Variants in CHRNA7 observed in about 807,000 individuals in gnomAD.
CHRNA7 encodes the protein neuronal acetylcholine receptor subunit alpha-7.
Under a neutral mutation model 48.0 loss-of-function variants are expected in CHRNA7, and 17 were observed. The observed-to-expected ratio is 0.35, with a 90% CI of 0.24 to 0.53. CHRNA7 has a LOEUF of 0.53. CHRNA7 is among the 20% of genes least tolerant of loss of function. The probability of loss-of-function intolerance (pLI) is 0.92; values close to 1 mark genes in which losing one functional copy is unlikely to be tolerated. For missense variants in CHRNA7, 155 were observed against 577.7 expected (o/e 0.27, Z 7.50); for synonymous variants, 75 against 242.3 (o/e 0.31, Z 6.41).
intron 2 of CHRNA7, among the ~76,000 whole-genome samples, chr15:32,083,065 A>C (rs1426030219): frequency 6.6e-6 from 1 of 152,230 alleles, no homozygotes. Context: ...TTTCTATAAA[A>C]TATAAATTAG....
At chr15:32,145,313 C>T (rs552732266) in intron 4 of CHRNA7, among the ~76,000 whole-genome samples, 1 of 152,266 alleles carries the variant, frequency 6.6e-6, no homozygotes, top group East Asian at 1.9e-4. Flanking sequence ...GAGCACCCAC[C>T]TGTATGAGGT....
At chr15:32,042,417 C>T (rs2049465413) in intron 2 of CHRNA7, among the ~76,000 whole-genome samples, 1 of 152,150 alleles carries the variant, frequency 6.6e-6, no homozygotes, top group Non-Finnish European at 1.5e-5. Flanking sequence ...TGGCACATTT[C>T]CAAGTGGTTT....
chr15:32,070,875 G>A (rs1445902560), intron 2 of CHRNA7, among the ~76,000 whole-genome samples: 1 of 151,610 alleles, frequency 6.6e-6, no homozygotes, highest in African/African-American at 2.4e-5. Flanking sequence ...TTTTAGTAGA[G>A]ATAGGGTTTC....
chr15:32,148,379 C>A (rs183135826), intron 4 of CHRNA7, among the ~76,000 whole-genome samples: 1 of 152,264 alleles, frequency 6.6e-6, no homozygotes, highest in East Asian at 1.9e-4. Context: ...TCTGTGGAGG[C>A]ACAATCACTC....
chr15:32,103,236 C>A (rs980381570), intron 3 of CHRNA7: 5 of 152,010 alleles, frequency 3.3e-5, no homozygotes, highest in African/African-American at 1.2e-4. Flanking sequence ...ATGGTGCAAC[C>A]CTGTCTCTAC....
intron 2 of CHRNA7, among the ~76,000 whole-genome samples, chr15:32,078,258 A>G: frequency 6.6e-6 from 1 of 152,102 alleles, no homozygotes; most frequent in South Asian, 2.1e-4. Context: ...TTTCTTTCGT[A>G]GATCATCCTT....
chr15:32,073,700 T>C (rs2050092837), intron 2 of CHRNA7, among the ~76,000 whole-genome samples: 1 of 152,120 alleles, frequency 6.6e-6, no homozygotes, highest in South Asian at 2.1e-4. Flanking sequence ...CTGTAATAAG[T>C]TCATGCAAGA....
chr15:32,130,036 A>G (rs1430959704), intron 4 of CHRNA7, among the ~76,000 whole-genome samples: 1 of 151,982 alleles, frequency 6.6e-6, no homozygotes, highest in Non-Finnish European at 1.5e-5. Context: ...ATTCATGTCT[A>G]GTTTGATTCC....
chr15:32,050,219 T>C (rs1328377826), intron 2 of CHRNA7, among the ~76,000 whole-genome samples: 2 of 152,236 alleles, frequency 1.3e-5, no homozygotes, highest in African/African-American at 4.8e-5. Flanking sequence ...GAAGTTCTCA[T>C]GGATGATATC....
chr15:32,149,624 G>A lies in CHRNA7; in HGVS notation c.351-4283G>A, dbSNP rs760169769. ...ATCAATTTGCCTATGGGAAAGAAGCGTAAAACTACCATCATGGGTATTAAG... is the reference window on the plus strand; with the variant it reads ...ATCAATTTGCCTATGGGAAAGAAGCATAAAACTACCATCATGGGTATTAAG... On this transcript the variant is annotated intron_variant, in intron 4 of 9. Coordinates refer to ENST00000306901, the MANE Select transcript of CHRNA7 (RefSeq NM_000746.6). The surrounding 1 kb of genome is among the most constrained non-coding windows in gnomAD (Gnocchi z 4.6). Among the ~76,000 whole-genome samples the A allele has an allele frequency of 7.2e-5, 11 of 152,254 alleles. No homozygotes were observed. The highest frequency in any genetic ancestry group is 2.1e-4 in the South Asian group (1 of 4,820).
At chr15:32,100,684 CTTTAG>C (rs924045800) in intron 2 of CHRNA7, 1 of 154,450 alleles carries the variant, frequency 6.5e-6, no homozygotes, top group African/African-American at 2.4e-5. Flanking sequence ...TCTTTCTCAC[CTTTAG>C]TTTATCACCT....
intron 4 of CHRNA7, among the ~76,000 whole-genome samples, chr15:32,123,459 TGA>T (rs1355454463): frequency 6.6e-6 from 1 of 152,204 alleles, no homozygotes; most frequent in African/African-American, 2.4e-5. Flanking sequence ...AGTGTAAGTA[TGA>T]GGTCTCTCAT....
intron 2 of CHRNA7, among the ~76,000 whole-genome samples, chr15:32,071,005 C>A (rs1024206682): frequency 6.6e-6 from 1 of 151,898 alleles, no homozygotes; most frequent in Admixed American, 6.6e-5. Flanking sequence ...TTTTTTATAT[C>A]GATGTCCGAT....
chr15:32,101,843 ACTAAT>A (rs1213480482), intron 3 of CHRNA7: 1 of 152,288 alleles, frequency 6.6e-6, no homozygotes, highest in Non-Finnish European at 1.5e-5. Context: ...CATCTGCAAT[ACTAAT>A]CTAAATTTGA....
chr15:32,057,030 T>C (rs1258686365), intron 2 of CHRNA7, among the ~76,000 whole-genome samples: 1 of 152,212 alleles, frequency 6.6e-6, no homozygotes, highest in Non-Finnish European at 1.5e-5. Context: ...TTAGATAATC[T>C]GATTGGCTAC....
At chr15:32,114,051 T>TACACACAC (rs1566848908) in intron 4 of CHRNA7, among the ~76,000 whole-genome samples, 1 of 57,260 alleles carries the variant, frequency 1.7e-5, no homozygotes, top group Non-Finnish European at 3.6e-5. Flanking sequence ...TATGTATATA[T>TACACACAC]ATATATATAC....
intron 4 of CHRNA7, among the ~76,000 whole-genome samples, chr15:32,145,840 G>T (rs1416964487): frequency 2.0e-5 from 3 of 152,206 alleles, no homozygotes; most frequent in Non-Finnish European, 4.4e-5. Context: ...GCTTCCCTTG[G>T]CTAGGAAAGG....
intron 3 of CHRNA7, among the ~76,000 whole-genome samples, chr15:32,110,760 T>C (rs2050750467): frequency 6.6e-6 from 1 of 152,220 alleles, no homozygotes; most frequent in Non-Finnish European, 1.5e-5. Context: ...CTATGTGAAT[T>C]GAGGCATTTA....
chr15:32,101,620 A>C (rs2050575097), intron 3 of CHRNA7: 1 of 403,584 alleles, frequency 2.5e-6, no homozygotes, highest in East Asian at 4.6e-5. Flanking sequence ...CAGGCAAGAC[A>C]AGAAGATACA....
Sources: gnomAD v4.1 joint callset for allele counts (sites outside exome capture counted in the v4.1 genomes callset) on GRCh38, gnomAD v4.1.1 for gene constraint, Gnocchi (gnomAD v3.1) non-coding constraint, MANE v1.5 for transcripts, NCBI Gene and HGNC (gene_info 2026-07-23, HGNC 2026-07-21) for gene names.